Variants in PDE4D observed in about 807,000 individuals in gnomAD.
PDE4D encodes phosphodiesterase 4D.
PDE4D carries 24 observed loss-of-function variants against 87.4 expected under a neutral mutation model. That is an observed-to-expected ratio of 0.27 (90% CI 0.20 to 0.39). The LOEUF is 0.39. PDE4D is among the 10% of genes least tolerant of loss of function. The pLI is 1.00. For missense variants in PDE4D, 714 were observed against 1,041.0 expected (o/e 0.69, Z 4.32); for synonymous variants, 384 against 383.2 (o/e 1.00, Z -0.02).
At chr5:59,819,134 TA>T (rs1769344795) in intron 1 of PDE4D, among the ~76,000 whole-genome samples, 2 of 152,218 alleles carry the variant, frequency 1.3e-5, no homozygotes, top group Non-Finnish European at 1.5e-5. Flanking sequence ...GAGTAAATAA[TA>T]TTGAAAAATG....
At chr5:59,065,239 C>T (rs1398258918) in intron 5 of PDE4D, among the ~76,000 whole-genome samples, 2 of 152,104 alleles carry the variant, frequency 1.3e-5, no homozygotes, top group Non-Finnish European at 2.9e-5. Context: ...CACAGAAGGA[C>T]AAATACTGCA....
intron 5 of PDE4D, among the ~76,000 whole-genome samples, chr5:59,069,512 C>CT (rs61429511): frequency 0.42 from 60,141 of 142,436 alleles, 13,554 homozygotes; most frequent in East Asian, 0.73. Context: ...GAACAAGAAG[C>CT]TTTTTTTTTT....
intron 3 of PDE4D, among the ~76,000 whole-genome samples, chr5:59,945,662 A>G (rs1233199944): frequency 6.6e-6 from 1 of 152,184 alleles, no homozygotes; most frequent in Non-Finnish European, 1.5e-5. Flanking sequence ...GTGTCATAGG[A>G]CCTGTTAGAG....
At chr5:59,235,585 T>C (rs1006378099) in intron 1 of PDE4D, among the ~76,000 whole-genome samples, 22 of 152,294 alleles carry the variant, frequency 1.4e-4, no homozygotes, top group African/African-American at 5.3e-4. Flanking sequence ...GATTGAACAA[T>C]TGGATTACTT....
chr5:59,762,383 T>G (rs926421070), intron 1 of PDE4D, among the ~76,000 whole-genome samples: 3 of 136,752 alleles, frequency 2.2e-5, no homozygotes, highest in Non-Finnish European at 4.8e-5. Flanking sequence ...TGTGTATATG[T>G]GTATATGGGT....
intron 1 of PDE4D, among the ~76,000 whole-genome samples, chr5:59,276,283 C>G (rs142923696): frequency 2.0e-5 from 3 of 152,142 alleles, no homozygotes; most frequent in African/African-American, 7.2e-5. Context: ...ATTTCCTTCT[C>G]TGGGAAATGA....
At chr5:59,684,632 C>G (rs140387691) in intron 1 of PDE4D, among the ~76,000 whole-genome samples, 1 of 152,024 alleles carries the variant, frequency 6.6e-6, no homozygotes, top group African/African-American at 2.4e-5. Context: ...TGTGTGGGGC[C>G]GTGAGGATAT....
At chr5:59,600,992 T>C (rs531575090) in intron 1 of PDE4D, among the ~76,000 whole-genome samples, 5 of 152,268 alleles carry the variant, frequency 3.3e-5, no homozygotes, top group African/African-American at 7.2e-5. Flanking sequence ...AGATGATGTA[T>C]GTGCCAAAAA....
At chr5:59,018,981 A>C (rs765462148) in intron 6 of PDE4D, among the ~76,000 whole-genome samples, 2 of 150,814 alleles carry the variant, frequency 1.3e-5, no homozygotes, top group Non-Finnish European at 2.9e-5. Flanking sequence ...AGTCCTGACA[A>C]CTGAAAGCTT....
At chr5:60,382,516 A>T (rs1387200820) in intron 1 of PDE4D, among the ~76,000 whole-genome samples, 3 of 152,138 alleles carry the variant, frequency 2.0e-5, no homozygotes, top group Admixed American at 2.0e-4. Context: ...GTGATTTTTT[A>T]AAAATATTCT....
chr5:60,015,131 A>AT (rs1307968590), intron 2 of PDE4D, among the ~76,000 whole-genome samples: 3 of 152,218 alleles, frequency 2.0e-5, no homozygotes, highest in African/African-American at 7.2e-5. Context: ...AGAAGGTATC[A>AT]TTTTAGGTAC....
In PDE4D at chr5:60,282,667, C is replaced by T. The variant is rs185581064; in HGVS notation, c.-89-96980G>A. On this transcript the variant is annotated intron_variant, in intron 1 of 16. Transcript: ENST00000502484. ...TCCAGGATTATTCCATTTGGAGATC[C>T]TCAACTTAATTACTTCTTCAAAGAT... Among the ~76,000 whole-genome samples, 6 of 152,214 alleles carry T rather than the reference C, an allele frequency of 3.9e-5. No homozygotes were observed. In the East Asian group the frequency reaches 9.7e-4, roughly 25 times the overall value.
intron 1 of PDE4D, among the ~76,000 whole-genome samples, chr5:59,251,254 G>A (rs962544515): frequency 2.0e-5 from 3 of 151,974 alleles, no homozygotes; most frequent in Non-Finnish European, 2.9e-5. Context: ...CTACAGAATG[G>A]GAGAAAATAT....
intron 1 of PDE4D, among the ~76,000 whole-genome samples, chr5:59,404,664 TAAA>T (rs141310449): frequency 1.4e-3 from 196 of 137,148 alleles, no homozygotes; most frequent in African/African-American, 4.9e-3. Context: ...AGACTCTGTC[TAAA>T]AAAAAAAAAA....
intron 2 of PDE4D, among the ~76,000 whole-genome samples, chr5:60,131,252 G>A (rs982241196): frequency 1.3e-5 from 2 of 152,046 alleles, no homozygotes; most frequent in Non-Finnish European, 2.9e-5. Flanking sequence ...TTCATGCCAC[G>A]TATTCTAGTA....
At chr5:60,170,213 A>T (rs775428154) in intron 2 of PDE4D, among the ~76,000 whole-genome samples, 37 of 152,018 alleles carry the variant, frequency 2.4e-4, no homozygotes, top group South Asian at 8.3e-4. Flanking sequence ...AGACACTTTA[A>T]CGTGCTTTGT....
At chr5:59,919,754 A>G (rs1754466354) in intron 3 of PDE4D, among the ~76,000 whole-genome samples, 1 of 152,208 alleles carries the variant, frequency 6.6e-6, no homozygotes, top group Non-Finnish European at 1.5e-5. Context: ...TAGACACTGA[A>G]TAAACATTTG....
chr5:60,242,595 T>C (rs1191918813), intron 1 of PDE4D, among the ~76,000 whole-genome samples: 1 of 152,016 alleles, frequency 6.6e-6, no homozygotes, highest in African/African-American at 2.4e-5. Flanking sequence ...CAAAACAAGT[T>C]TTAAAACATT....
chr5:59,454,301 T>C (rs1045380517), intron 1 of PDE4D, among the ~76,000 whole-genome samples: 1 of 152,216 alleles, frequency 6.6e-6, no homozygotes, highest in African/African-American at 2.4e-5. Context: ...CCACATGTCG[T>C]GGGAGAAACC....
Sources: gnomAD v4.1 joint callset for allele counts (sites outside exome capture counted in the v4.1 genomes callset) on GRCh38, gnomAD v4.1.1 for gene constraint, MANE v1.5 for transcripts, NCBI Gene and HGNC (gene_info 2026-07-23, HGNC 2026-07-21) for gene names.